The following NUP160 variants were observed in gnomAD, a reference collection of about 807,000 sequenced individuals.
NUP160 encodes the protein nucleoporin 160, also known as nuclear pore complex protein Nup160.
Under a neutral mutation model 196.9 loss-of-function variants are expected in NUP160, and 94 were observed. The observed-to-expected ratio is 0.48, with a 90% CI of 0.40 to 0.57. The LOEUF (loss-of-function observed/expected upper bound fraction) is 0.57. NUP160 is among the 20% of genes least tolerant of loss of function. NUP160 has a pLI of 0.00. For missense variants in NUP160, 1,638 were observed against 1,748.3 expected (o/e 0.94, Z 1.13); for synonymous variants, 605 against 619.7 (o/e 0.98, Z 0.35).
At position 47,826,458 on chromosome 11, in the gene NUP160, C is replaced by T. The variant is rs553590651; in HGVS notation, c.1102-4294G>A. ...AATTTGACACACTCCTGAACTACTA[C>T]ATTCATTCCCGATCTGACCTTTAGA... On this transcript the variant is annotated intron_variant, in intron 7 of 35. Coordinates refer to ENST00000378460, the Ensembl canonical transcript of NUP160. 1.5e-3 allele frequency among the ~76,000 whole-genome samples: 226 copies of T among 152,230 alleles called. 1 individual carries two copies. Among genetic ancestry groups the T allele is most frequent in the African/African-American group, 5.2e-3 (215 of 41,538 alleles).
chr11:47,788,043 T>A (rs2097665672), intron 31 of NUP160, 139 bp downstream of exon 31: 2 of 782,948 alleles, frequency 2.6e-6, no homozygotes, highest in South Asian at 3.9e-5. Context: ...TTAAGAATGC[T>A]TGGATGGATT....
chr11:47,824,894 G>T (rs529412992), intron 7 of NUP160, among the ~76,000 whole-genome samples: 16 of 151,918 alleles, frequency 1.1e-4, no homozygotes, highest in African/African-American at 3.6e-4. Context: ...GGAGTGCAGT[G>T]GTGTGATCTC....
intron 23 of NUP160, 29 bp downstream of exon 23, chr11:47,801,782 G>A: frequency 1.2e-6 from 2 of 1,607,128 alleles, no homozygotes; most frequent in Non-Finnish European, 1.7e-6. Context: ...ACACAGGGTG[G>A]TATAAGGCCA....
intron 7 of NUP160, chr11:47,827,133 G>A (rs559231818): frequency 3.1e-5 from 14 of 456,116 alleles, no homozygotes; most frequent in East Asian, 1.4e-4. Context: ...TTGGGAAGCC[G>A]AGGTGGGTGG....
At chr11:47,824,008 C>CAT (rs58246222) in intron 7 of NUP160, among the ~76,000 whole-genome samples, 736 of 72,968 alleles carry the variant, frequency 0.01, 2 homozygotes, top group African/African-American at 0.014. Context: ...AATTCTTTTG[C>CAT]ATATATATAT....
chr11:47,836,205 G>A (rs576392733), intron 6 of NUP160, among the ~76,000 whole-genome samples: 2 of 152,214 alleles, frequency 1.3e-5, no homozygotes, highest in South Asian at 2.1e-4. Context: ...GTGAGACTGC[G>A]CCATTGCATT....
intron 29 of NUP160, 129 bp from the exon 30 acceptor site, chr11:47,788,740 G>A (rs771069189): frequency 1.6e-6 from 1 of 626,248 alleles, no homozygotes; most frequent in Non-Finnish European, 2.8e-6. Context: ...ATGAAGGAAG[G>A]AGAAAATAGG....
At position 47,823,711 on chromosome 11, in the gene NUP160, A is replaced by G. The variant is rs371702950; in HGVS notation, c.1102-1547T>C. 4.6e-5 allele frequency among the ~76,000 whole-genome samples: 7 copies of G among 151,444 alleles called. No homozygotes were observed. The East Asian group carries it at 1.2e-3, about 25-fold the overall frequency. On this transcript the variant is annotated intron_variant, in intron 7 of 35. Coordinates refer to ENST00000378460, the Ensembl canonical transcript of NUP160. The stretch of plus-strand genomic sequence containing the variant: ...CACCACGCCTGGCTAATTTTTTTGT[A>G]TTTTTAGTAGAGTCGGGGTTTCACC...
chr11:47,812,731 A>C, intron 15 of NUP160, 151 bp downstream of exon 15: 1 of 628,438 alleles, frequency 1.6e-6, no homozygotes, highest in South Asian at 2.4e-5. Flanking sequence ...TTTTCTGTTA[A>C]AAGTAGAAAT....
chr11:47,788,722 C>G, intron 29 of NUP160, 111 bp from the exon 30 acceptor site: 1 of 673,022 alleles, frequency 1.5e-6, no homozygotes. Context: ...AATCTAATTT[C>G]CAAATGCATG....
chr11:47,794,290 G>T (rs1045664721), intron 27 of NUP160, among the ~76,000 whole-genome samples: 1 of 152,004 alleles, frequency 6.6e-6, no homozygotes, highest in Non-Finnish European at 1.5e-5. Context: ...TCAGGAGATC[G>T]AGACCATCCT....
intron 10 of NUP160, among the ~76,000 whole-genome samples, 172 bp downstream of exon 10, chr11:47,819,202 A>G (rs2135382255): frequency 6.6e-6 from 1 of 151,868 alleles, no homozygotes; most frequent in East Asian, 1.9e-4. Context: ...AGTCCCAGCT[A>G]CTCGGGAGGC....
At chr11:47,815,111 G>C (rs1303954043) in intron 13 of NUP160, 1 of 154,968 alleles carries the variant, frequency 6.5e-6, no homozygotes, top group East Asian at 1.9e-4. Flanking sequence ...TACACCTGTA[G>C]TCCCAGGTAC....
rs184084414 is a variant in NUP160 at position 47,846,422 on chromosome 11, A to G, written c.314+1426T>C. Among the ~76,000 whole-genome samples, 78 of 152,298 alleles carry G rather than the reference A, an allele frequency of 5.1e-4. 1 individual carries two copies. Among genetic ancestry groups the G allele is most frequent in the African/African-American group, 1.8e-3 (76 of 41,552 alleles). ...TTTACTATGTCCAATAGAATTATTC[A>G]TATCTATCCAAAATCCATCTTCCGG... On this transcript the variant is annotated intron_variant, in intron 2 of 35. Transcript: ENST00000378460.
chr11:47,791,123 C>T (rs537035425), intron 29 of NUP160, among the ~76,000 whole-genome samples: 3 of 151,536 alleles, frequency 2.0e-5, no homozygotes, highest in African/African-American at 7.2e-5. Flanking sequence ...TACCTACTGG[C>T]GAAGCTGAAG....
chr11:47,780,109 C>A (rs949460059), intron 35 of NUP160, among the ~76,000 whole-genome samples: 26 of 152,306 alleles, frequency 1.7e-4, no homozygotes, highest in Admixed American at 1.6e-3. Flanking sequence ...GATGGACCGA[C>A]TGCTTGCCAT....
chr11:47,827,669 C>T (rs1453905178), intron 7 of NUP160, among the ~76,000 whole-genome samples: 4 of 151,772 alleles, frequency 2.6e-5, no homozygotes, highest in East Asian at 1.9e-4. Context: ...AGTGCATTCA[C>T]TGCGCTCCAG....
At chr11:47,778,958 C>A in exon 36 of NUP160, 1 of 612,614 alleles carries the variant, frequency 1.6e-6, no homozygotes, top group African/African-American at 1.8e-5. Flanking sequence ...GACTCTTCCG[C>A]CCTCCTATCT....
At chr11:47,804,399 A>G (rs1009865625) in intron 21 of NUP160, 150 bp downstream of exon 21, 22 of 583,818 alleles carry the variant, frequency 3.8e-5, no homozygotes, top group Admixed American at 1.2e-4. Context: ...GTATAGAAAT[A>G]GAGAACAATC....
Sources: allele counts gnomAD v4.1 joint callset (sites outside exome capture counted in the v4.1 genomes callset), GRCh38; gene constraint gnomAD v4.1.1; transcripts MANE v1.5; gene names NCBI Gene and HGNC (gene_info 2026-07-23, HGNC 2026-07-21).